LSAMP: variants seen among roughly 807,000 people sequenced by gnomAD.
The protein encoded by LSAMP is limbic system-associated membrane protein.
A neutral mutation model predicts 38.6 loss-of-function variants in LSAMP; 7 were observed. The ratio of observed to expected loss-of-function variants is 0.18; its 90% CI spans 0.10 to 0.34. The LOEUF is 0.34. Among genes scored for constraint, LSAMP ranks in the 10% least tolerant of loss-of-function variants. The pLI is 1.00. For synonymous variants in LSAMP, 154 were observed against 166.8 expected, an observed-to-expected ratio of 0.92 and a Z score of 0.59; for missense variants, 313 against 420.0, an observed-to-expected ratio of 0.75 and a Z score of 2.23.
chr3:116,052,541 G>A (rs1941415203), intron 2 of LSAMP, among the ~76,000 whole-genome samples: 1 of 152,162 alleles, frequency 6.6e-6, no homozygotes, highest in Admixed American at 6.5e-5. Flanking sequence ...TGGCTTTAAT[G>A]CCTCTAGGTC....
chr3:115,942,519 T>A (rs1478067854), intron 3 of LSAMP, among the ~76,000 whole-genome samples: 1 of 152,150 alleles, frequency 6.6e-6, no homozygotes, highest in African/African-American at 2.4e-5. Flanking sequence ...ACTACAAATG[T>A]GAGAAAAGAG....
intron 3 of LSAMP, among the ~76,000 whole-genome samples, chr3:115,918,707 GTT>G (rs11391475): frequency 5.9e-5 from 8 of 135,206 alleles, no homozygotes; most frequent in Admixed American, 7.5e-5. Flanking sequence ...TAAAGAACAG[GTT>G]TTTTTTTTTT....
chr3:116,038,122 A>G (rs1268489617), intron 2 of LSAMP, among the ~76,000 whole-genome samples: 1 of 152,152 alleles, frequency 6.6e-6, no homozygotes, highest in African/African-American at 2.4e-5. Flanking sequence ...TGGGTTTCAG[A>G]GCCTTGTTTC....
intron 1 of LSAMP, among the ~76,000 whole-genome samples, chr3:116,302,234 T>C (rs558107162): frequency 2.0e-5 from 3 of 152,352 alleles, no homozygotes; most frequent in Admixed American, 1.3e-4. Context: ...AGAATGTTGC[T>C]TTCCAAGTAA....
At chr3:116,209,425 T>C (rs919542274) in intron 1 of LSAMP, among the ~76,000 whole-genome samples, 6 of 152,216 alleles carry the variant, frequency 3.9e-5, no homozygotes, top group Non-Finnish European at 8.8e-5. Flanking sequence ...GGCTCTTCCC[T>C]CAAATTTCTA....
At chr3:116,405,699 T>C (rs1250373310) in intron 1 of LSAMP, among the ~76,000 whole-genome samples, 1 of 152,126 alleles carries the variant, frequency 6.6e-6, no homozygotes, top group East Asian at 1.9e-4. Flanking sequence ...CTCATGAATA[T>C]TGAGATCTAT....
chr3:116,025,887 A>G (rs890648477), intron 2 of LSAMP, among the ~76,000 whole-genome samples: 1 of 152,188 alleles, frequency 6.6e-6, no homozygotes, highest in African/African-American at 2.4e-5. Context: ...TAAAATTTGA[A>G]TTATTAAATG....
intron 1 of LSAMP, chr3:116,369,740 T>C (rs952167889): frequency 6.6e-6 from 1 of 152,376 alleles, no homozygotes; most frequent in African/African-American, 2.4e-5. Context: ...TAAATAACCA[T>C]ACATGGAGCT....
chr3:116,418,634 A>G (rs1281849615), intron 1 of LSAMP, among the ~76,000 whole-genome samples: 1 of 152,140 alleles, frequency 6.6e-6, no homozygotes, highest in African/African-American at 2.4e-5. Context: ...ATGGGACACA[A>G]TTATATCAAT....
chr3:116,402,378 G>A lies in LSAMP; in HGVS notation c.155+42499C>T, dbSNP rs1360086198. Among the ~76,000 whole-genome samples the A allele has an allele frequency of 3.3e-5, 5 of 152,120 alleles. No homozygotes were observed. In the East Asian group the frequency reaches 7.7e-4, roughly 23 times the overall value. On this transcript the variant is annotated intron_variant, in intron 1 of 6. Transcript: ENST00000490035. ...GCTGAGGATAGGCCTGGCTAGGAAA[G>A]CAAAATGTGTACATGTTACTTATAC... is the stretch of plus-strand genomic sequence containing the variant.
intron 2 of LSAMP, among the ~76,000 whole-genome samples, chr3:116,040,017 C>T (rs1360406761): frequency 3.3e-5 from 5 of 152,102 alleles, no homozygotes; most frequent in Admixed American, 6.5e-5. Context: ...AAACTGGTCC[C>T]CTTTTCTACT....
chr3:116,164,651 AATAT>A (rs1379641336), intron 1 of LSAMP, among the ~76,000 whole-genome samples: 2 of 91,932 alleles, frequency 2.2e-5, no homozygotes, highest in Admixed American at 1.1e-4. Context: ...ATATAATCCA[AATAT>A]ATATATATAA....
chr3:116,271,054 G>A (rs1395408463), intron 1 of LSAMP, among the ~76,000 whole-genome samples: 10 of 151,916 alleles, frequency 6.6e-5, no homozygotes, highest in Admixed American at 6.6e-4. Flanking sequence ...AGAAATATAG[G>A]GTTAGGTAAA....
intron 1 of LSAMP, among the ~76,000 whole-genome samples, chr3:116,435,024 C>T (rs2049331572): frequency 1.3e-5 from 2 of 152,148 alleles, no homozygotes; most frequent in Non-Finnish European, 2.9e-5. Flanking sequence ...TTAACCAAAG[C>T]AGGAAGAAGC....
At chr3:116,284,946 A>C (rs1320764696) in intron 1 of LSAMP, among the ~76,000 whole-genome samples, 2 of 152,244 alleles carry the variant, frequency 1.3e-5, no homozygotes, top group African/African-American at 4.8e-5. Flanking sequence ...ATACAATGGC[A>C]AGTATATGTT....
intron 1 of LSAMP, among the ~76,000 whole-genome samples, chr3:116,117,700 A>G (rs191734228): frequency 8.3e-4 from 127 of 152,242 alleles, no homozygotes; most frequent in African/African-American, 3.0e-3. Flanking sequence ...TGGCATGTCT[A>G]TTTAATGATA....
intron 3 of LSAMP, among the ~76,000 whole-genome samples, chr3:115,977,058 G>A (rs1939210034): frequency 6.6e-6 from 1 of 152,036 alleles, no homozygotes; most frequent in South Asian, 2.1e-4. Flanking sequence ...CGGAAGAAAT[G>A]AAATCTATTT....
rs1162707271 is a variant in LSAMP at position 116,041,181 on chromosome 3, C to T, written c.389-21541G>A. On this transcript the variant is annotated intron_variant, in intron 2 of 6. Transcript: ENST00000490035. ...TCAAGTAATCTTCCTGCTTCGGCCT[C>T]CCAAAGTGCTGGGATTATAGGCATG... Among the ~76,000 whole-genome samples, 7 of 152,234 alleles carry T rather than the reference C, an allele frequency of 4.6e-5. 1 individual carries two copies. The East Asian group carries it at 1.4e-3, about 30-fold the overall frequency.
At chr3:116,125,939 T>C (rs1708998633) in intron 1 of LSAMP, among the ~76,000 whole-genome samples, 1 of 152,236 alleles carries the variant, frequency 6.6e-6, no homozygotes, top group Admixed American at 6.5e-5. Flanking sequence ...TTAAGAGATA[T>C]ATCACTGTGG....
Sources: allele counts gnomAD v4.1 joint callset (sites outside exome capture counted in the v4.1 genomes callset), GRCh38; gene constraint gnomAD v4.1.1; transcripts MANE v1.5; gene names NCBI Gene and HGNC (gene_info 2026-07-23, HGNC 2026-07-21).